Variants in SLC22A24 observed in about 807,000 individuals in gnomAD.
SLC22A24 encodes the protein solute carrier family 22 member 24.
In SLC22A24, 53 loss-of-function variants were observed where a neutral mutation model predicts 49.8. That is an observed-to-expected ratio of 1.06 (90% confidence interval 0.85 to 1.34). The LOEUF (loss-of-function observed/expected upper bound fraction) is 1.34, where lower values mean the gene tolerates loss of function less well. Among genes scored for constraint, SLC22A24 ranks in the 40% most tolerant of loss-of-function variants. The pLI, the probability that SLC22A24 is intolerant of heterozygous loss-of-function variation, is 0.00. For synonymous variants in SLC22A24, 302 were observed against 256.4 expected (o/e 1.18, Z -1.70); for missense variants, 786 against 675.9 (o/e 1.16, Z -1.81).
rs548668152 is a variant in SLC22A24, at chr11:63,108,299, G to A, written c.831-4001C>T. Reference sequence around the variant, plus strand: ...GGGATGAAGCCGACTTGATCGTGGTGGATAAGCTTTTTGATGTGCTGCTGG... The same window carrying A: ...GGGATGAAGCCGACTTGATCGTGGTAGATAAGCTTTTTGATGTGCTGCTGG... On this transcript the variant is annotated intron_variant, in intron 4 of 9. Coordinates refer to ENST00000612278, the MANE Select transcript of SLC22A24 (RefSeq NM_001136506.2). Among the ~76,000 whole-genome samples the A allele has an allele frequency of 4.6e-5, 7 of 152,212 alleles. No individual in the cohort carries two copies. The East Asian group carries it at 1.4e-3, about 29-fold the overall frequency.
intron 7 of SLC22A24, among the ~76,000 whole-genome samples, chr11:63,082,346 G>T (rs1281215127): frequency 6.6e-6 from 1 of 152,124 alleles, no homozygotes; most frequent in Non-Finnish European, 1.5e-5. Context: ...ATTCAAAAAG[G>T]TACTTTTTCA....
At chr11:63,084,647 T>A (rs2086977386) in intron 6 of SLC22A24, among the ~76,000 whole-genome samples, 1 of 152,126 alleles carries the variant, frequency 6.6e-6, no homozygotes, top group African/African-American at 2.4e-5. Context: ...ATGCCCAGCA[T>A]CCAACAGTTA....
At chr11:63,100,930 A>T (rs889924751) in intron 5 of SLC22A24, among the ~76,000 whole-genome samples, 7 of 152,166 alleles carry the variant, frequency 4.6e-5, no homozygotes, top group Admixed American at 4.6e-4. Context: ...AAGATTGCAA[A>T]CTATACATCT....
At chr11:63,117,295 A>G (rs1450601010) in intron 4 of SLC22A24, among the ~76,000 whole-genome samples, 2 of 152,180 alleles carry the variant, frequency 1.3e-5, no homozygotes, top group African/African-American at 4.8e-5. Flanking sequence ...CGAATTCTGT[A>G]AAATCAGTAT....
chr11:63,098,468 G>A lies in SLC22A24; in HGVS notation c.955-2362C>T, dbSNP rs1294799067. Among the ~76,000 whole-genome samples the A allele has an allele frequency of 2.0e-5, 3 of 152,114 alleles. No homozygotes were observed. The South Asian group carries it at 6.2e-4, about 32-fold the overall frequency. On this transcript the variant is annotated intron_variant, in intron 5 of 9. Transcript: ENST00000612278. Reference sequence around the variant, plus strand: ...GGCTCACTTGAGGTCAGGAGTGTAAGAGCAGCTTGGCCAACATGGTGAAAA... The same window carrying A: ...GGCTCACTTGAGGTCAGGAGTGTAAAAGCAGCTTGGCCAACATGGTGAAAA...
At chr11:63,130,049 G>A (rs2087322513) in intron 2 of SLC22A24, among the ~76,000 whole-genome samples, 1 of 152,168 alleles carries the variant, frequency 6.6e-6, no homozygotes, top group Non-Finnish European at 1.5e-5. Context: ...TCCTTGTCTT[G>A]TGCTGGTTTT....
intron 3 of SLC22A24, 46 bp downstream of exon 3, chr11:63,119,135 C>A: frequency 2.6e-6 from 4 of 1,525,234 alleles, no homozygotes; most frequent in South Asian, 1.3e-5. Flanking sequence ...ATTTCAAGGT[C>A]AATTCAAGAC....
intron 1 of SLC22A24, among the ~76,000 whole-genome samples, chr11:63,136,664 A>G (rs1204376857): frequency 6.6e-6 from 1 of 152,204 alleles, no homozygotes; most frequent in African/African-American, 2.4e-5. Context: ...CTTGATGAAT[A>G]TGCTCTGTCT....
At chr11:63,139,921 T>TG (rs1378992511) in intron 1 of SLC22A24, among the ~76,000 whole-genome samples, 12 of 152,226 alleles carry the variant, frequency 7.9e-5, no homozygotes, top group African/African-American at 1.4e-4. Flanking sequence ...ATGTTTTTTT[T>TG]TGTGTGTGAT....
chr11:63,125,080 G>A (rs1176021695), intron 2 of SLC22A24, among the ~76,000 whole-genome samples: 1 of 151,132 alleles, frequency 6.6e-6, no homozygotes, highest in East Asian at 2.0e-4. Flanking sequence ...TTGTGCACAT[G>A]TACCCTAAAA....
chr11:63,094,330 A>G (rs1280573864), intron 6 of SLC22A24, among the ~76,000 whole-genome samples: 1 of 152,070 alleles, frequency 6.6e-6, no homozygotes, highest in Non-Finnish European at 1.5e-5. Context: ...TTATGGCTGC[A>G]TAGTATTCTA....
At chr11:63,091,737 A>G (rs372320382) in intron 6 of SLC22A24, among the ~76,000 whole-genome samples, 1 of 152,226 alleles carries the variant, frequency 6.6e-6, no homozygotes, top group Admixed American at 6.5e-5. Flanking sequence ...TCAATAAACT[A>G]GGTATTGATG....
At position 63,104,175 on chromosome 11, in the gene SLC22A24, C is replaced by T. The variant is rs1167508859; in HGVS notation, c.954G>A (p.Glu318=). Residue 318 remains glutamate (E), a splice_region_variant and synonymous_variant, in exon 5 of 10, where the codon GAG becomes GAA. Coordinates refer to ENST00000612278, the MANE Select transcript of SLC22A24 (RefSeq NM_001136506.2). The part of the protein sequence containing the change: ...KKNTEETLTT[E]LVRSTMKKEL... ...CAATCATTTCCCCTTTCCAGATCAC[C>T]TCAGTGGTCAGTGTCTCTTCAGTAT... 14 of 1,549,120 alleles carry T rather than the reference C, an allele frequency of 9.0e-6. No individual in the cohort carries two copies. Among genetic ancestry groups the T allele is most frequent in the Non-Finnish European group, 1.2e-5 (14 of 1,146,744 alleles).
At chr11:63,118,107 A>G (rs534879137) in intron 4 of SLC22A24, among the ~76,000 whole-genome samples, 1 of 152,302 alleles carries the variant, frequency 6.6e-6, no homozygotes, top group South Asian at 2.1e-4. Flanking sequence ...AGCCTTCCAA[A>G]TAGGGTCTTA....
rs149614274 is a variant in SLC22A24 at position 63,121,711 on chromosome 11, A to T, written c.507-2376T>A. Among the ~76,000 whole-genome samples, 721 of 152,176 alleles carry T rather than the reference A, an allele frequency of 4.7e-3. 4 individuals carry two copies. The highest frequency in any genetic ancestry group is 0.017 in the African/African-American group (686 of 41,510). ...GTGCAGGTTAGTTACATATGTATAC[A>T]CGTGCCATGCTGGTGTGCTGCACCC... is the stretch of plus-strand genomic sequence containing the variant. On this transcript the variant is annotated intron_variant, in intron 2 of 9. Coordinates refer to ENST00000612278, the MANE Select transcript of SLC22A24 (RefSeq NM_001136506.2).
intron 6 of SLC22A24, among the ~76,000 whole-genome samples, chr11:63,083,681 A>C (rs2086972264): frequency 6.6e-6 from 1 of 152,220 alleles, no homozygotes; most frequent in Non-Finnish European, 1.5e-5. Context: ...TGATGTTAAA[A>C]TGGGCTCTTC....
chr11:63,093,500 T>C (rs1385159526), intron 6 of SLC22A24, among the ~76,000 whole-genome samples: 2 of 152,182 alleles, frequency 1.3e-5, no homozygotes, highest in Non-Finnish European at 2.9e-5. Flanking sequence ...CACCATGGAA[T>C]ACTATGCAGC....
At chr11:63,083,786 T>C (rs2086972751) in intron 6 of SLC22A24, among the ~76,000 whole-genome samples, 1 of 152,184 alleles carries the variant, frequency 6.6e-6, no homozygotes, top group South Asian at 2.1e-4. Flanking sequence ...GAAAAAGTAA[T>C]GTGAAATCTG....
chr11:63,104,394 C>T (rs1027024325), intron 4 of SLC22A24, 96 bp from the exon 5 acceptor site: 2 of 1,313,028 alleles, frequency 1.5e-6, no homozygotes, highest in Non-Finnish European at 2.0e-6. Context: ...TTAATACAGA[C>T]ATTATAAATT....
Sources: gnomAD v4.1 joint callset for allele counts (sites outside exome capture counted in the v4.1 genomes callset) on GRCh38, gnomAD v4.1.1 for gene constraint, MANE v1.5 for transcripts, NCBI Gene and HGNC (gene_info 2026-07-23, HGNC 2026-07-21) for gene names.